Variants in ARHGEF33 observed in about 807,000 individuals in gnomAD.
ARHGEF33 encodes Rho guanine nucleotide exchange factor 33.
A neutral mutation model predicts 101.9 loss-of-function variants in ARHGEF33; 72 were observed. The observed-to-expected ratio is 0.71, with a 90% CI of 0.58 to 0.86. The LOEUF (loss-of-function observed/expected upper bound fraction) is 0.86, where lower values mean the gene tolerates loss of function less well. Among genes scored for constraint, ARHGEF33 ranks in the 40% least tolerant of loss-of-function variants. The pLI, the probability that ARHGEF33 is intolerant of heterozygous loss-of-function variation, is 0.00. For synonymous variants in ARHGEF33, 499 were observed against 442.5 expected (o/e 1.13, Z -1.60); for missense variants, 1,169 against 1,111.3 (o/e 1.05, Z -0.74).
At chr2:38,909,914 T>A (rs925123783) in intron 2 of ARHGEF33, among the ~76,000 whole-genome samples, 1 of 152,072 alleles carries the variant, frequency 6.6e-6, no homozygotes, top group Non-Finnish European at 1.5e-5. Context: ...TTAATTTTTA[T>A]TTTTTTGCTG....
At chr2:38,930,583 T>TGATC (rs1666976064) in intron 6 of ARHGEF33, among the ~76,000 whole-genome samples, 1 of 152,210 alleles carries the variant, frequency 6.6e-6, no homozygotes, top group Non-Finnish European at 1.5e-5. Flanking sequence ...TGGGCTCAAG[T>TGATC]GATCCTCCCA....
At chr2:38,896,906 C>A (rs918937640) in intron 2 of ARHGEF33, among the ~76,000 whole-genome samples, 1 of 151,962 alleles carries the variant, frequency 6.6e-6, no homozygotes, top group Non-Finnish European at 1.5e-5. Context: ...TCTTTTTGCC[C>A]GGCATACTTT....
At chr2:38,945,436 A>G (rs1667422023) in intron 10 of ARHGEF33, among the ~76,000 whole-genome samples, 1 of 152,250 alleles carries the variant, frequency 6.6e-6, no homozygotes, top group Non-Finnish European at 1.5e-5. Flanking sequence ...CAGAAAGGCT[A>G]AGGTGACCCA....
Position 38,954,311 on chromosome 2 carries a change from C to T in ARHGEF33, c.1138-62C>T, listed in dbSNP as rs1245444581. ...CCTTCCTACCCTGGTGGGACTGATTCGAGGTTCTGCTGCCACAGCTGGAGG... is the reference window on the plus strand; with the variant it reads ...CCTTCCTACCCTGGTGGGACTGATTTGAGGTTCTGCTGCCACAGCTGGAGG... On this transcript the variant is annotated intron_variant, in intron 12 of 17. Coordinates refer to ENST00000409978, the MANE Select transcript of ARHGEF33 (RefSeq NM_001145451.5). 9 of 988,320 alleles carry T rather than the reference C, an allele frequency of 9.1e-6. No individual in the cohort carries two copies. The African/African-American group carries it at 1.3e-4, about 14-fold the overall frequency. 61.2% of individuals were successfully genotyped at this position (988,320 alleles called of 1,614,324 possible).
chr2:38,935,409 A>C (rs1048915691), intron 7 of ARHGEF33, among the ~76,000 whole-genome samples: 9 of 152,050 alleles, frequency 5.9e-5, no homozygotes, highest in African/African-American at 2.2e-4. Context: ...CATGCTGCCC[A>C]GGCTGGCTTA....
At chr2:38,965,077 T>C (rs1668024522) in intron 16 of ARHGEF33, among the ~76,000 whole-genome samples, 1 of 152,146 alleles carries the variant, frequency 6.6e-6, no homozygotes, top group South Asian at 2.1e-4. Flanking sequence ...CCCTAACACT[T>C]TGCTTCTCTG....
chr2:38,926,314 A>G (rs1358160787), intron 4 of ARHGEF33, among the ~76,000 whole-genome samples: 1 of 152,254 alleles, frequency 6.6e-6, no homozygotes, highest in Non-Finnish European at 1.5e-5. Context: ...CTCTCAAAAA[A>G]GAAAGCTGAA....
At chr2:38,893,401 T>C (rs1159709385) in intron 1 of ARHGEF33, among the ~76,000 whole-genome samples, 1 of 152,090 alleles carries the variant, frequency 6.6e-6, no homozygotes, top group Non-Finnish European at 1.5e-5. Flanking sequence ...CTCAAGCGAT[T>C]TACCTGCCTC....
chr2:38,960,726 T>G, intron 16 of ARHGEF33, 78 bp downstream of exon 16: 11 of 1,131,036 alleles, frequency 9.7e-6, no homozygotes, highest in Non-Finnish European at 1.1e-5. Flanking sequence ...CGAGTTCTCC[T>G]AGCGTGGAGA....
At chr2:38,947,950 C>T (rs186193650) in intron 10 of ARHGEF33, among the ~76,000 whole-genome samples, 1 of 152,318 alleles carries the variant, frequency 6.6e-6, no homozygotes, top group African/African-American at 2.4e-5. Flanking sequence ...TTATTAACCT[C>T]AAACTATAAC....
intron 10 of ARHGEF33, among the ~76,000 whole-genome samples, chr2:38,947,448 G>A (rs1433026038): frequency 2.0e-5 from 3 of 152,070 alleles, no homozygotes; most frequent in Admixed American, 6.6e-5. Context: ...AGGGTGCAGC[G>A]GCCCAGTCAC....
intron 11 of ARHGEF33, among the ~76,000 whole-genome samples, chr2:38,952,722 G>C (rs569347034): frequency 2.7e-5 from 4 of 149,028 alleles, no homozygotes; most frequent in Non-Finnish European, 5.9e-5. Context: ...TTTTTGAGCC[G>C]GAGTCTCACT....
At chr2:38,936,470 T>C (rs549234026) in intron 8 of ARHGEF33, among the ~76,000 whole-genome samples, 4 of 152,310 alleles carry the variant, frequency 2.6e-5, no homozygotes, top group South Asian at 4.1e-4. Flanking sequence ...GAAGCAGATA[T>C]AAGGAGTCAA....
At chr2:38,904,250 C>T (rs571196920) in intron 2 of ARHGEF33, among the ~76,000 whole-genome samples, 1 of 152,196 alleles carries the variant, frequency 6.6e-6, no homozygotes, top group South Asian at 2.1e-4. Flanking sequence ...GTGGGATGAG[C>T]AGGGCAGACC....
chr2:38,904,950 G>A (rs937403390), intron 2 of ARHGEF33, among the ~76,000 whole-genome samples: 14 of 152,118 alleles, frequency 9.2e-5, no homozygotes, highest in East Asian at 5.8e-4. Flanking sequence ...AGGAAGACTC[G>A]TAAGGATTTC....
At chr2:38,937,656 T>C (rs938943478) in intron 9 of ARHGEF33, 97 bp downstream of exon 9, 1 of 753,626 alleles carries the variant, frequency 1.3e-6, no homozygotes, top group Admixed American at 2.6e-5. Flanking sequence ...TTAGATTCAG[T>C]GGACACATGA....
intron 2 of ARHGEF33, among the ~76,000 whole-genome samples, chr2:38,897,814 T>C (rs3099958): frequency 0.26 from 39,149 of 152,104 alleles, 5,312 homozygotes; most frequent in Admixed American, 0.32. Context: ...GCACAAAATA[T>C]TGAAGGACGC....
In ARHGEF33 at chr2:38,945,914, C is replaced by T. The variant is rs566132801; in HGVS notation, c.920+1884C>T. 8.5e-5 allele frequency among the ~76,000 whole-genome samples: 13 copies of T among 152,260 alleles called. No individual in the cohort carries two copies. In the South Asian group the frequency reaches 1.2e-3, roughly 15 times the overall value. ...TTAAAGCCGCAGAACCAATTAGTGC[C>T]GGGATTCAAACGCAAGCCTGCCGGA... On this transcript the variant is annotated intron_variant, in intron 10 of 17. Transcript: ENST00000409978.
intron 2 of ARHGEF33, among the ~76,000 whole-genome samples, chr2:38,905,360 T>C (rs950236551): frequency 1.3e-5 from 2 of 152,176 alleles, no homozygotes; most frequent in Non-Finnish European, 2.9e-5. Context: ...TACAGAAGGC[T>C]TTGGGGGCTG....
Sources: gnomAD v4.1 joint callset for allele counts (sites outside exome capture counted in the v4.1 genomes callset) on GRCh38, gnomAD v4.1.1 for gene constraint, MANE v1.5 for transcripts, NCBI Gene and HGNC (gene_info 2026-07-23, HGNC 2026-07-21) for gene names.